CDK5RAP2: variants seen among roughly 807,000 people sequenced by gnomAD.
CDK5RAP2 encodes CDK5 regulatory subunit-associated protein 2.
In CDK5RAP2, 147 loss-of-function variants were observed where a neutral mutation model predicts 232.9. The ratio of observed to expected loss-of-function variants is 0.63; its 90% CI spans 0.55 to 0.72. CDK5RAP2 has a LOEUF of 0.72. Ranked by LOEUF, CDK5RAP2 falls within the 30% of genes least tolerant of loss-of-function variation. The pLI is 0.00. For synonymous variants in CDK5RAP2, 833 were observed against 833.7 expected (o/e 1.00, Z 0.01); for missense variants, 2,195 against 2,231.5 (o/e 0.98, Z 0.33).
intron 3 of CDK5RAP2, among the ~76,000 whole-genome samples, chr9:120,552,583 T>G (rs2042083283): frequency 6.6e-6 from 1 of 151,078 alleles, no homozygotes; most frequent in Non-Finnish European, 1.5e-5. Context: ...CTCAGCAAAC[T>G]ATCGCAAGGA....
chr9:120,544,634 C>A (rs2041766023), intron 5 of CDK5RAP2, among the ~76,000 whole-genome samples: 1 of 152,226 alleles, frequency 6.6e-6, no homozygotes, highest in African/African-American at 2.4e-5. Context: ...TCCTGGCCTA[C>A]CACACCCAGC....
At chr9:120,544,152 G>A (rs1022863518) in intron 5 of CDK5RAP2, among the ~76,000 whole-genome samples, 1 of 152,154 alleles carries the variant, frequency 6.6e-6, no homozygotes, top group Non-Finnish European at 1.5e-5. Flanking sequence ...ATAAACATGT[G>A]CACAAGCCTC....
chr9:120,575,342 C>T (rs2042995019), intron 1 of CDK5RAP2, among the ~76,000 whole-genome samples: 1 of 152,138 alleles, frequency 6.6e-6, no homozygotes, highest in South Asian at 2.1e-4. Flanking sequence ...CGTGAGCCAC[C>T]GCGCCCAGCT....
intron 11 of CDK5RAP2, among the ~76,000 whole-genome samples, chr9:120,519,269 T>G (rs2040510513): frequency 6.6e-6 from 1 of 152,136 alleles, no homozygotes; most frequent in Non-Finnish European, 1.5e-5. Flanking sequence ...CTTTTTTTTG[T>G]CATAACTCTG....
chr9:120,531,837 G>A (rs2041166155), intron 7 of CDK5RAP2, among the ~76,000 whole-genome samples: 2 of 141,848 alleles, frequency 1.4e-5, no homozygotes, highest in Admixed American at 6.9e-5. Flanking sequence ...AAGGTGCCAG[G>A]CAGCACCAGT....
intron 14 of CDK5RAP2, among the ~76,000 whole-genome samples, chr9:120,479,954 A>T (rs1588445918): frequency 6.6e-6 from 1 of 152,184 alleles, no homozygotes; most frequent in South Asian, 2.1e-4. Flanking sequence ...ATACACTAGC[A>T]CATTCAGAGG....
At chr9:120,447,363 G>T (rs966423872) in intron 22 of CDK5RAP2, among the ~76,000 whole-genome samples, 1 of 152,168 alleles carries the variant, frequency 6.6e-6, no homozygotes, top group Admixed American at 6.5e-5. Context: ...CAAGTCTCTG[G>T]ATCCTAACTA....
At chr9:120,559,504 A>G (rs543112021) in intron 3 of CDK5RAP2, among the ~76,000 whole-genome samples, 454 of 148,572 alleles carry the variant, frequency 3.1e-3, no homozygotes, top group African/African-American at 9.6e-3. Flanking sequence ...AAAAAAAAAA[A>G]AAAAGAAAAC....
In CDK5RAP2 at chr9:120,400,725, CAT is replaced by C. The variant is rs1216400558; in HGVS notation, c.5451+15_5451+16del. 3.1e-6 allele frequency: 5 copies of C among 1,612,928 alleles called. No homozygotes were observed. Among genetic ancestry groups the C allele is most frequent in the East Asian group, 2.2e-5 (1 of 44,872 alleles). ...CAGTGGCATCCTTGAGCCTCTGAAA[CAT>C]GTGTCACCACCTACCTGCTCACAGT... On this transcript the variant is annotated intron_variant, in intron 35 of 37. Transcript: ENST00000349780.
intron 14 of CDK5RAP2, among the ~76,000 whole-genome samples, chr9:120,482,013 G>A (rs1263409409): frequency 1.3e-5 from 2 of 152,162 alleles, no homozygotes; most frequent in African/African-American, 4.8e-5. Context: ...ATCTCTAGTT[G>A]CCACAGCATT....
At chr9:120,555,567 T>G (rs1040157147) in intron 3 of CDK5RAP2, among the ~76,000 whole-genome samples, 2 of 152,186 alleles carry the variant, frequency 1.3e-5, no homozygotes, top group African/African-American at 4.8e-5. Context: ...TAATACCAAG[T>G]GCTGATGTAG....
chr9:120,413,823 A>AGGAGGGAGGAG (rs1554731800), intron 28 of CDK5RAP2, among the ~76,000 whole-genome samples: 8 of 108,748 alleles, frequency 7.4e-5, no homozygotes, highest in African/African-American at 1.8e-4. Context: ...GGGAGGAGGG[A>AGGAGGGAGGAG]GGAGGGAGGA....
Position 120,401,155 on chromosome 9 carries a change from C to T in CDK5RAP2, c.5308-270G>A, listed in dbSNP as rs1395976423. On this transcript the variant is annotated intron_variant, in intron 34 of 37. Transcript: ENST00000349780. ...CCACCAGCATTAACTACAGTTACTA[C>T]TCCAAGTAAAGGGTCTGTGGGAGGG... The T allele has an allele frequency of 2.6e-5, 12 of 459,958 alleles. No homozygotes were observed. In the East Asian group the frequency reaches 5.1e-4, roughly 20 times the overall value. The allele number at this position is 459,958 out of a possible 1,614,324, so 28.5% of individuals were successfully genotyped here. A position where few individuals can be genotyped will look rare whatever the true frequency, so the allele number is the denominator to read the frequency against.
At chr9:120,576,679 G>T (rs2043045015) in intron 1 of CDK5RAP2, among the ~76,000 whole-genome samples, 1 of 152,010 alleles carries the variant, frequency 6.6e-6, no homozygotes. Flanking sequence ...TCCAGCCTGG[G>T]CAAGGGAGTG....
intron 7 of CDK5RAP2, among the ~76,000 whole-genome samples, chr9:120,535,397 C>T (rs1385978917): frequency 6.6e-6 from 1 of 152,172 alleles, no homozygotes; most frequent in Non-Finnish European, 1.5e-5. Context: ...TTGAGGAACC[C>T]GGCAGTTAGG....
rs1448999787 is a variant in CDK5RAP2, at chr9:120,400,739, T to C, written c.5451+3A>G. On this transcript the variant is annotated splice_donor_region_variant and intron_variant, in intron 35 of 37. Coordinates refer to ENST00000349780, the MANE Select transcript of CDK5RAP2 (RefSeq NM_018249.6). ...AGCCTCTGAAACATGTGTCACCACC[T>C]ACCTGCTCACAGTGAAGGGGGCACT... 6.2e-7 allele frequency: 1 copy of C among 1,613,436 alleles called. No individual in the cohort carries two copies.
chr9:120,469,963 A>G, intron 17 of CDK5RAP2, 148 bp downstream of exon 17: 2 of 585,740 alleles, frequency 3.4e-6, no homozygotes, highest in Non-Finnish European at 6.1e-6. Context: ...CAGTTAACGG[A>G]CACAGGAGGG....
chr9:120,496,380 G>T (rs1588485597), intron 12 of CDK5RAP2, among the ~76,000 whole-genome samples: 3 of 83,952 alleles, frequency 3.6e-5, no homozygotes, highest in Admixed American at 2.1e-4. Context: ...GGAGGGAGGT[G>T]GGGGGGGGGT....
intron 3 of CDK5RAP2, among the ~76,000 whole-genome samples, chr9:120,560,702 C>T (rs780873930): frequency 3.9e-5 from 6 of 152,108 alleles, no homozygotes; most frequent in Non-Finnish European, 2.9e-5. Context: ...CTGCAACCTC[C>T]GCCTTCCGGG....
Sources: gnomAD v4.1 joint callset for allele counts (sites outside exome capture counted in the v4.1 genomes callset) on GRCh38, gnomAD v4.1.1 for gene constraint, MANE v1.5 for transcripts, NCBI Gene and HGNC (gene_info 2026-07-23, HGNC 2026-07-21) for gene names.